Variants in DACH2 observed in about 807,000 individuals in gnomAD.
DACH2 encodes dachshund homolog 2.
Under a neutral mutation model 35.8 loss-of-function variants are expected in DACH2, and 17 were observed. That is an observed-to-expected ratio of 0.48 (90% confidence interval 0.33 to 0.71). The LOEUF (loss-of-function observed/expected upper bound fraction) is 0.71. Among genes scored for constraint, DACH2 ranks in the 30% least tolerant of loss-of-function variants. The pLI is 0.02. For missense variants in DACH2, 469 were observed against 472.7 expected, an observed-to-expected ratio of 0.99 and a Z score of 0.07; for synonymous variants, 195 against 177.3, an observed-to-expected ratio of 1.10 and a Z score of -0.79.
At chrX:86,510,929 G>A (rs959084201) in intron 2 of DACH2, among the ~76,000 whole-genome samples, 6 of 111,433 alleles carry the variant, frequency 5.4e-5, no homozygotes, top group Admixed American at 9.6e-5. Context: ...ATGGTTATTC[G>A]TGCCCTGTAA....
rs764689291 is a variant in DACH2, at chrX:86,161,540, T to C, written c.488+12432T>C. 2.7e-5 allele frequency among the ~76,000 whole-genome samples: 3 copies of C among 112,455 alleles called. No individual in the cohort carries two copies. In the South Asian group the frequency reaches 1.1e-3, roughly 42 times the overall value. On this transcript the variant is annotated intron_variant, in intron 1 of 11. Coordinates refer to ENST00000373125, the MANE Select transcript of DACH2 (RefSeq NM_053281.3). ...CTTTGGATTAGAATGCATTGATGAG[T>C]ATAACTCTAAATCAGATTTTTGTGA... is the stretch of plus-strand genomic sequence containing the variant.
intron 1 of DACH2, among the ~76,000 whole-genome samples, chrX:86,254,776 A>AT (rs1164932360): frequency 2.3e-3 from 61 of 26,704 alleles, no homozygotes; most frequent in African/African-American, 4.8e-3. Context: ...TTATTCAAAT[A>AT]AATAAATATA....
chrX:86,190,625 C>T lies in DACH2; in HGVS notation c.488+41517C>T, dbSNP rs370867777. On this transcript the variant is annotated intron_variant, in intron 1 of 11. Transcript: ENST00000373125. Reference sequence around the variant, plus strand: ...CAAATCAAAATCTCAATGAGACCATCTCATATCAGTCAAAATTGCTATTAT... The same window carrying T: ...CAAATCAAAATCTCAATGAGACCATTTCATATCAGTCAAAATTGCTATTAT... Among the ~76,000 whole-genome samples, 5 of 112,315 alleles carry T rather than the reference C, an allele frequency of 4.5e-5. No homozygotes were observed. The South Asian group carries it at 1.8e-3, about 41-fold the overall frequency.
intron 1 of DACH2, among the ~76,000 whole-genome samples, chrX:86,180,176 G>GTATGTATATATATATATATATATA (rs2031434759): frequency 2.3e-5 from 1 of 42,930 alleles, no homozygotes; most frequent in Non-Finnish European, 4.7e-5. Context: ...ATGCTAAACC[G>GTATGTATATATATATATATATATA]TATATATATA....
chrX:86,196,712 A>G (rs1697580311), intron 1 of DACH2, among the ~76,000 whole-genome samples: 1 of 106,930 alleles, frequency 9.4e-6, no homozygotes, highest in Non-Finnish European at 1.9e-5. Flanking sequence ...AAAAAAAAAA[A>G]AAAAAAAGAA....
At chrX:86,745,326 T>C (rs185834482) in intron 7 of DACH2, among the ~76,000 whole-genome samples, 1 of 111,618 alleles carries the variant, frequency 9.0e-6, no homozygotes, top group Non-Finnish European at 1.9e-5. Flanking sequence ...GTAAATTCTG[T>C]GTCACTTGGG....
At chrX:86,158,733 A>G (rs769265586) in intron 1 of DACH2, among the ~76,000 whole-genome samples, 43 of 111,216 alleles carry the variant, frequency 3.9e-4, no homozygotes, top group Non-Finnish European at 7.7e-4. Flanking sequence ...AAATTATGAA[A>G]TATTTGAGAT....
chrX:86,787,618 C>CAAAAAAAAAAAAAAAAAAGAAAA (rs2042150135), intron 7 of DACH2, among the ~76,000 whole-genome samples: 1 of 72,322 alleles, frequency 1.4e-5, no homozygotes, highest in Non-Finnish European at 2.6e-5. Context: ...AACTCAGTCT[C>CAAAAAAAAAAAAAAAAAAGAAAA]AAAAAAAAAA....
intron 6 of DACH2, among the ~76,000 whole-genome samples, chrX:86,737,895 C>T (rs1300641777): frequency 9.0e-6 from 1 of 111,241 alleles, no homozygotes; most frequent in African/African-American, 3.3e-5. Context: ...GGTAGTTTTT[C>T]AGCCCTTTCT....
chrX:86,626,613 C>A (rs1231273336), intron 3 of DACH2, among the ~76,000 whole-genome samples: 2 of 113,139 alleles, frequency 1.8e-5, no homozygotes, highest in Non-Finnish European at 3.7e-5. Context: ...GTCTAGACAT[C>A]CAGGAGCTTC....
At chrX:86,262,002 C>T (rs1044423015) in intron 1 of DACH2, among the ~76,000 whole-genome samples, 4 of 110,762 alleles carry the variant, frequency 3.6e-5, no homozygotes, top group Non-Finnish European at 7.6e-5. Flanking sequence ...CACTTGAGGC[C>T]AGGCACAGTG....
At chrX:86,396,733 G>T (rs944148572) in intron 2 of DACH2, among the ~76,000 whole-genome samples, 13 of 111,088 alleles carry the variant, frequency 1.2e-4, no homozygotes, top group African/African-American at 4.3e-4. Flanking sequence ...GCTCTGTTCT[G>T]TTCCATTGGT....
chrX:86,177,991 A>G (rs2031359948), intron 1 of DACH2, among the ~76,000 whole-genome samples: 1 of 111,544 alleles, frequency 9.0e-6, no homozygotes, highest in South Asian at 3.7e-4. Flanking sequence ...AAACAAACAA[A>G]CAAACAAAAA....
At chrX:86,256,841 A>G (rs995335693) in intron 1 of DACH2, among the ~76,000 whole-genome samples, 6 of 111,488 alleles carry the variant, frequency 5.4e-5, no homozygotes, top group African/African-American at 2.0e-4. Flanking sequence ...TTAGATCTCC[A>G]CCTCATTTTG....
chrX:86,456,723 C>A (rs964895952), intron 2 of DACH2, among the ~76,000 whole-genome samples: 1 of 109,826 alleles, frequency 9.1e-6, no homozygotes, highest in African/African-American at 3.3e-5. Context: ...TTGTGATAAA[C>A]TTCTTTATTT....
At chrX:86,369,835 A>G (rs149824610) in intron 1 of DACH2, among the ~76,000 whole-genome samples, 1 of 111,820 alleles carries the variant, frequency 8.9e-6, no homozygotes, top group Non-Finnish European at 1.9e-5. Context: ...GAGAAAGTTT[A>G]CTCAGATTCT....
At chrX:86,344,323 C>CATAT (rs761609271) in intron 1 of DACH2, among the ~76,000 whole-genome samples, 36,926 of 89,214 alleles carry the variant, frequency 0.41, 7,068 homozygotes, top group South Asian at 0.61. Flanking sequence ...CTTGGAAGTG[C>CATAT]ATATATATAT....
chrX:86,210,220 T>G (rs768865818), intron 1 of DACH2, among the ~76,000 whole-genome samples: 1 of 111,806 alleles, frequency 8.9e-6, no homozygotes, highest in East Asian at 2.8e-4. Flanking sequence ...TTTATTTTTC[T>G]TCACAGTATT....
At chrX:86,768,519 C>T (rs765245180) in intron 7 of DACH2, among the ~76,000 whole-genome samples, 2 of 111,145 alleles carry the variant, frequency 1.8e-5, no homozygotes, top group African/African-American at 3.3e-5. Flanking sequence ...AATTCGAAAG[C>T]GATTCATGGA....
Sources: gnomAD v4.1 joint callset for allele counts (sites outside exome capture counted in the v4.1 genomes callset) on GRCh38, gnomAD v4.1.1 for gene constraint, MANE v1.5 for transcripts, NCBI Gene and HGNC (gene_info 2026-07-23, HGNC 2026-07-21) for gene names.